ZBTB16: variants seen among roughly 807,000 people sequenced by gnomAD.
The protein encoded by ZBTB16 is zinc finger and BTB domain containing 16, also known as zinc finger and BTB domain-containing protein 16.
A neutral mutation model predicts 56.8 loss-of-function variants in ZBTB16; 8 were observed. That is an observed-to-expected ratio of 0.14 (90% CI 0.08 to 0.25). ZBTB16 has a LOEUF of 0.25. Among genes scored for constraint, ZBTB16 ranks in the 10% least tolerant of loss-of-function variants. The probability of loss-of-function intolerance (pLI) is 1.00; values close to 1 mark genes in which losing one functional copy is unlikely to be tolerated. For synonymous variants in ZBTB16, 363 were observed against 368.5 expected (o/e 0.98, Z 0.17); for missense variants, 625 against 903.0 (o/e 0.69, Z 3.95).
Position 114,064,283 on chromosome 11 carries a change from A to T in ZBTB16, c.983A>T (p.Glu328Val). The change falls in exon 2 of 7, where the codon GAG becomes GTG. Residue 328 changes from glutamate (E) to valine (V), a missense_variant. By Grantham distance (121) the Glu-to-Val change is moderately radical. Transcript: ENST00000335953. This position sits in a 1 kb window ranked among gnomAD's most constrained non-coding sequence, Gnocchi z 4.2. ...CCTGAGCACCCAGCACCCCCGCCTG[A>T]GAAGCATCTGGGCATCTACTCCGTG... ...GRPEHPAPPP[E>V]KHLGIYSVLP... 6.2e-7 allele frequency: 1 copy of T among 1,614,100 alleles called. No homozygotes were observed. The highest frequency in any genetic ancestry group is 8.5e-7 in the Non-Finnish European group (1 of 1,180,030).
chr11:114,254,251 A>C lies in ZBTB16; in HGVS notation c.*3696A>C, dbSNP rs1456548535. On this transcript the variant is annotated 3_prime_UTR_variant, in exon 7 of 7. Transcript: ENST00000335953. ...TCATTGCTGCTTTGGGCTGCTTTGGAGGAGGAGGCCATGAATATGGGGAAG... is the reference window on the plus strand; with the variant it reads ...TCATTGCTGCTTTGGGCTGCTTTGGCGGAGGAGGCCATGAATATGGGGAAG... Among the ~76,000 whole-genome samples the C allele has an allele frequency of 6.6e-6, 1 of 151,976 alleles. No homozygotes were observed. The highest frequency in any genetic ancestry group is 1.5e-5 in the Non-Finnish European group (1 of 68,000).
At chr11:114,066,252 T>C (rs1317744749) in intron 2 of ZBTB16, among the ~76,000 whole-genome samples, 4 of 152,158 alleles carry the variant, frequency 2.6e-5, no homozygotes, top group African/African-American at 9.7e-5. Flanking sequence ...TGACCCTGCC[T>C]CCTCGACAGC....
chr11:114,079,442 G>A (rs1939686155), intron 2 of ZBTB16, among the ~76,000 whole-genome samples: 1 of 152,178 alleles, frequency 6.6e-6, no homozygotes, highest in South Asian at 2.1e-4. Flanking sequence ...TGAAATAATA[G>A]GTGAATAATG....
At chr11:114,174,000 G>A (rs192824419) in intron 3 of ZBTB16, among the ~76,000 whole-genome samples, 1 of 152,330 alleles carries the variant, frequency 6.6e-6, no homozygotes, top group Admixed American at 6.5e-5. Flanking sequence ...AAGATCGTTT[G>A]TACGTTTTCC....
chr11:114,225,400 T>A (rs1944308813), intron 4 of ZBTB16, among the ~76,000 whole-genome samples: 1 of 152,164 alleles, frequency 6.6e-6, no homozygotes, highest in South Asian at 2.1e-4. Context: ...TGTAGCAGAA[T>A]GCCTGAGAGT....
intron 2 of ZBTB16, among the ~76,000 whole-genome samples, chr11:114,121,560 C>CA (rs1289103048): frequency 3.3e-5 from 5 of 152,220 alleles, no homozygotes; most frequent in African/African-American, 1.2e-4. Flanking sequence ...TGAATGCTTA[C>CA]ATCCATTATC....
At chr11:114,075,651 A>ATAT (rs1565611190) in intron 2 of ZBTB16, among the ~76,000 whole-genome samples, 1 of 144,516 alleles carries the variant, frequency 6.9e-6, no homozygotes, top group African/African-American at 2.5e-5. Context: ...ATATATATTT[A>ATAT]GTAGAGATGG....
intron 3 of ZBTB16, among the ~76,000 whole-genome samples, chr11:114,186,736 C>A (rs1233245987): frequency 6.6e-6 from 1 of 152,162 alleles, no homozygotes; most frequent in Non-Finnish European, 1.5e-5. Context: ...GTTTCTCCTT[C>A]TCTCTAGAAG....
rs1034429564 is a variant in ZBTB16, at chr11:114,246,986, G to A, written c.1625-212G>A. 1.2e-5 allele frequency: 8 copies of A among 645,770 alleles called. No homozygotes were observed. The African/African-American group carries it at 1.4e-4, about 12-fold the overall frequency. 40.0% of individuals were successfully genotyped at this position (645,770 alleles called of 1,614,324 possible). On this transcript the variant is annotated intron_variant, in intron 5 of 6. Transcript: ENST00000335953. Reference sequence around the variant, plus strand: ...TCCCAGGACTGGCCCTTGCCCCACAGATGATCATGGGGCCACAGTAAAGTA... The same window carrying A: ...TCCCAGGACTGGCCCTTGCCCCACAAATGATCATGGGGCCACAGTAAAGTA...
intron 3 of ZBTB16, among the ~76,000 whole-genome samples, chr11:114,157,616 A>G (rs972535561): frequency 2.6e-5 from 4 of 152,148 alleles, no homozygotes; most frequent in Non-Finnish European, 4.4e-5. Context: ...TCATGGGTAC[A>G]GTCGTGGAAG....
chr11:114,235,960 G>A (rs1944581610), intron 4 of ZBTB16, among the ~76,000 whole-genome samples: 1 of 151,822 alleles, frequency 6.6e-6, no homozygotes. Context: ...CATGGATCCT[G>A]CCCATATTAC....
chr11:114,235,725 T>TCTTTTC, intron 4 of ZBTB16, among the ~76,000 whole-genome samples: 1 of 149,958 alleles, frequency 6.7e-6, no homozygotes, highest in African/African-American at 2.5e-5. Context: ...TCTTTTTCTT[T>TCTTTTC]CTTTCTTTCT....
At position 114,252,995 on chromosome 11, in the gene ZBTB16, G is replaced by A. The variant is rs533971955; in HGVS notation, c.*2440G>A. Among the ~76,000 whole-genome samples the A allele has an allele frequency of 3.0e-4, 46 of 152,286 alleles. 2 individuals are homozygous for A. In the South Asian group the frequency reaches 9.5e-3, roughly 32 times the overall value. The stretch of plus-strand genomic sequence containing the variant: ...AAAAGAAGTTAAACTTGAAATACGT[G>A]ACTAGAACAGTTGTCATGTTTATAA... On this transcript the variant is annotated 3_prime_UTR_variant, in exon 7 of 7. Coordinates refer to ENST00000335953, the MANE Select transcript of ZBTB16 (RefSeq NM_006006.6).
intron 3 of ZBTB16, among the ~76,000 whole-genome samples, chr11:114,174,147 G>C (rs1943043777): frequency 6.6e-6 from 1 of 152,138 alleles, no homozygotes; most frequent in Admixed American, 6.5e-5. Context: ...ATACACTGAG[G>C]TCTACGCAGA....
intron 2 of ZBTB16, among the ~76,000 whole-genome samples, chr11:114,105,331 C>T (rs1940752848): frequency 6.6e-6 from 1 of 152,030 alleles, no homozygotes; most frequent in Admixed American, 6.5e-5. Context: ...ACTTCCACCT[C>T]CTGGGTCCAA....
chr11:114,174,167 A>G (rs996126086), intron 3 of ZBTB16, among the ~76,000 whole-genome samples: 2 of 152,224 alleles, frequency 1.3e-5, no homozygotes, highest in African/African-American at 4.8e-5. Flanking sequence ...AGGCAAGTCT[A>G]GACCCTGTGC....
chr11:114,166,570 C>T (rs1359039375), intron 3 of ZBTB16, among the ~76,000 whole-genome samples: 2 of 152,168 alleles, frequency 1.3e-5, no homozygotes, highest in Admixed American at 6.5e-5. Context: ...TGGGCCCGCA[C>T]AGACCATTAC....
chr11:114,136,901 G>A (rs1286956144), intron 2 of ZBTB16, among the ~76,000 whole-genome samples: 1 of 152,076 alleles, frequency 6.6e-6, no homozygotes, highest in Non-Finnish European at 1.5e-5. Flanking sequence ...TTAGTCACAT[G>A]TCCTATACTC....
intron 4 of ZBTB16, among the ~76,000 whole-genome samples, chr11:114,211,471 T>C (rs1943997179): frequency 6.6e-6 from 1 of 152,228 alleles, no homozygotes; most frequent in African/African-American, 2.4e-5. Flanking sequence ...TGAGGATAGA[T>C]AACAGGATAC....
Sources: allele counts gnomAD v4.1 joint callset (sites outside exome capture counted in the v4.1 genomes callset), GRCh38; gene constraint gnomAD v4.1.1; non-coding constraint Gnocchi (gnomAD v3.1); transcripts MANE v1.5; gene names NCBI Gene and HGNC (gene_info 2026-07-23, HGNC 2026-07-21).